USH2A: variants seen among roughly 807,000 people sequenced by gnomAD.
The protein encoded by USH2A is usherin.
Under a neutral mutation model 538.9 loss-of-function variants are expected in USH2A, and 443 were observed. The observed-to-expected ratio is 0.82, with a 90% confidence interval of 0.76 to 0.89. The LOEUF is 0.89. USH2A is among the 40% of genes least tolerant of loss of function. The pLI is 0.00. For synonymous variants in USH2A, 2,413 were observed against 2,273.5 expected (o/e 1.06, Z -1.75); for missense variants, 6,633 against 6,324.8 (o/e 1.05, Z -1.65).
At chr1:215,783,857 A>G (rs1053692369) in intron 52 of USH2A, among the ~76,000 whole-genome samples, 8 of 152,152 alleles carry the variant, frequency 5.3e-5, no homozygotes, top group African/African-American at 1.9e-4. Context: ...GCTCATCTCC[A>G]TTGGACGTGG....
intron 50 of USH2A, among the ~76,000 whole-genome samples, chr1:215,795,924 G>A (rs901843651): frequency 3.3e-5 from 5 of 151,834 alleles, no homozygotes; most frequent in Admixed American, 1.3e-4. Flanking sequence ...TAAAACTTAC[G>A]GCAGAAATTT....
At chr1:216,392,239 C>A (rs938023602) in intron 3 of USH2A, among the ~76,000 whole-genome samples, 1 of 152,080 alleles carries the variant, frequency 6.6e-6, no homozygotes, top group African/African-American at 2.4e-5. Context: ...TGGCTCACAC[C>A]TGTAATCCCA....
intron 40 of USH2A, among the ~76,000 whole-genome samples, chr1:215,891,554 A>G (rs1340733340): frequency 6.6e-6 from 1 of 152,210 alleles, no homozygotes; most frequent in Non-Finnish European, 1.5e-5. Flanking sequence ...GTTTGCTAAT[A>G]CAATAAAAAG....
chr1:215,832,142 G>GT (rs1663337827), intron 47 of USH2A, among the ~76,000 whole-genome samples: 1 of 151,846 alleles, frequency 6.6e-6, no homozygotes, highest in Admixed American at 6.6e-5. Flanking sequence ...TGAATTCCAA[G>GT]TTAAAAAACC....
At chr1:216,288,754 G>A (rs1198535229) in intron 11 of USH2A, among the ~76,000 whole-genome samples, 3 of 152,104 alleles carry the variant, frequency 2.0e-5, no homozygotes, top group Non-Finnish European at 2.9e-5. Flanking sequence ...TAGAATCTGT[G>A]TGCATGTAGG....
chr1:215,950,538 G>A (rs576178413), intron 37 of USH2A, among the ~76,000 whole-genome samples: 25 of 133,262 alleles, frequency 1.9e-4, no homozygotes, highest in African/African-American at 5.7e-5. Flanking sequence ...ACAGAGTCTC[G>A]CTCTGTCACC....
intron 32 of USH2A, among the ~76,000 whole-genome samples, chr1:216,014,879 C>A (rs1180198521): frequency 6.6e-6 from 1 of 152,144 alleles, no homozygotes; most frequent in East Asian, 1.9e-4. Flanking sequence ...TCATTGATCT[C>A]AATTTACAAA....
At chr1:215,954,558 C>T (rs1398355383) in intron 37 of USH2A, among the ~76,000 whole-genome samples, 8 of 105,302 alleles carry the variant, frequency 7.6e-5, no homozygotes, top group Admixed American at 6.0e-4. Flanking sequence ...ACACTGGGGC[C>T]TGTTGTGGGG....
chr1:215,674,883 G>T lies in USH2A; in HGVS notation c.13028C>A (p.Thr4343Asn). The T allele has an allele frequency of 1.2e-6, 2 of 1,614,208 alleles. No individual in the cohort carries two copies. The highest frequency in any genetic ancestry group is 1.7e-6 in the Non-Finnish European group (2 of 1,180,042). The change falls in exon 63 of 72, where the codon ACC (threonine) becomes AAC (asparagine). Residue 4343 changes from threonine (T) to asparagine (N), a missense_variant. Transcript: ENST00000307340. ...AGTTGTGATGCTGGTGGGTTTGCTG[G>T]TGGAGCATCCTCCACTCGTGCAGGC... is the stretch of plus-strand genomic sequence containing the variant. ...LQACTSGGCS[T>N]SKPTSITTLE... is the part of the protein sequence containing the mutation.
chr1:215,792,662 A>G (rs1156828428), intron 50 of USH2A, among the ~76,000 whole-genome samples: 2 of 152,188 alleles, frequency 1.3e-5, no homozygotes, highest in Non-Finnish European at 2.9e-5. Context: ...AGAGTTTGGT[A>G]GTAATTCCCA....
chr1:215,623,553 T>TAA lies in USH2A; in HGVS notation c.*2227_*2228insTT, dbSNP rs969928280. The TAA allele has an allele frequency of 6.6e-6, 1 of 152,124 alleles. No individual in the cohort carries two copies. Among genetic ancestry groups the TAA allele is most frequent in the Non-Finnish European group, 1.5e-5 (1 of 68,000 alleles). 9.4% of individuals were successfully genotyped at this position (152,124 alleles called of 1,614,324 possible). The stretch of plus-strand genomic sequence containing the variant: ...CACTTAAAGTAGCAAAGCAACATCT[T>TAA]AGAGTTCTTCTCTGAAATAAATACA... On this transcript the variant is annotated 3_prime_UTR_variant, in exon 72 of 72. Transcript: ENST00000307340.
At chr1:215,688,122 T>C (rs1658492796) in intron 61 of USH2A, among the ~76,000 whole-genome samples, 1 of 152,022 alleles carries the variant, frequency 6.6e-6, no homozygotes, top group African/African-American at 2.4e-5. Flanking sequence ...GAAAGGTCCT[T>C]GAAGAAGTTA....
chr1:216,154,881 A>G (rs1377787649), intron 21 of USH2A, among the ~76,000 whole-genome samples: 1 of 132,216 alleles, frequency 7.6e-6, no homozygotes, highest in African/African-American at 2.8e-5. Context: ...TGTAGGCGCA[A>G]TGCGTATGTG....
intron 32 of USH2A, among the ~76,000 whole-genome samples, chr1:216,030,413 A>C (rs1051547882): frequency 7.4e-6 from 1 of 134,652 alleles, no homozygotes; most frequent in African/African-American, 2.7e-5. Context: ...TGATATATAG[A>C]TATATATCAC....
intron 26 of USH2A, among the ~76,000 whole-genome samples, chr1:216,080,453 C>A (rs1277682674): frequency 6.6e-6 from 1 of 151,766 alleles, no homozygotes; most frequent in African/African-American, 2.4e-5. Context: ...GGTCATTGAC[C>A]ACTTTAGAAA....
chr1:215,980,295 G>A (rs1177313360), intron 35 of USH2A, among the ~76,000 whole-genome samples: 1 of 152,116 alleles, frequency 6.6e-6, no homozygotes. Context: ...AGCTTTTAGA[G>A]AGGTTTGGTA....
chr1:216,399,135 C>T (rs138868682), intron 3 of USH2A, among the ~76,000 whole-genome samples: 28 of 152,246 alleles, frequency 1.8e-4, no homozygotes, highest in African/African-American at 5.8e-4. Flanking sequence ...ACATTCCCCC[C>T]GGCTCTGGCA....
rs533462798 is a variant in USH2A at position 216,010,503 on chromosome 1, A to G, written c.6326-9941T>C. On this transcript the variant is annotated intron_variant, in intron 32 of 71. Transcript: ENST00000307340. ...TGCCCGATCGCCTTGGAAGCCCCCTAGACCATCACGGATGCCGAGCTTTAG... is the reference window on the plus strand; with the variant it reads ...TGCCCGATCGCCTTGGAAGCCCCCTGGACCATCACGGATGCCGAGCTTTAG... Among the ~76,000 whole-genome samples the G allele has an allele frequency of 2.2e-3, 326 of 151,454 alleles. 1 individual carries two copies. The highest frequency in any genetic ancestry group is 3.8e-3 in the Non-Finnish European group (258 of 67,866).
intron 37 of USH2A, among the ~76,000 whole-genome samples, chr1:215,944,892 T>C (rs1273760628): frequency 6.6e-6 from 1 of 152,142 alleles, no homozygotes; most frequent in East Asian, 1.9e-4. Context: ...AGTAAATGGC[T>C]AAATAAGGCT....
Sources: gnomAD v4.1 joint callset for allele counts (sites outside exome capture counted in the v4.1 genomes callset) on GRCh38, gnomAD v4.1.1 for gene constraint, MANE v1.5 for transcripts, NCBI Gene and HGNC (gene_info 2026-07-23, HGNC 2026-07-21) for gene names.